Variants in KSR1 observed in about 807,000 individuals in gnomAD.
The protein encoded by KSR1 is kinase suppressor of ras.
KSR1 carries 35 observed loss-of-function variants against 92.9 expected under a neutral mutation model. That is an observed-to-expected ratio of 0.38 (90% CI 0.29 to 0.50). KSR1 has a LOEUF of 0.50. KSR1 is among the 20% of genes least tolerant of loss of function. The pLI is 0.94. For synonymous variants in KSR1, 467 were observed against 472.6 expected (o/e 0.99, Z 0.15); for missense variants, 972 against 1,158.5 (o/e 0.84, Z 2.34).
At chr17:27,565,703 G>A (rs1318385829) in intron 2 of KSR1, among the ~76,000 whole-genome samples, 1 of 152,184 alleles carries the variant, frequency 6.6e-6, no homozygotes, top group Non-Finnish European at 1.5e-5. Context: ...GGAATTACAG[G>A]TGTGAGCCAC....
chr17:27,604,053 TATTTGCCTCCTATC>T (rs1363872496), intron 12 of KSR1, among the ~76,000 whole-genome samples, 165 bp downstream of exon 12: 1 of 152,162 alleles, frequency 6.6e-6, no homozygotes, highest in Non-Finnish European at 1.5e-5. Context: ...CAGAGGGTTT[TATTTGCCTCCTATC>T]AGTGCGGTCA....
intron 1 of KSR1, among the ~76,000 whole-genome samples, chr17:27,521,373 T>C (rs548214539): frequency 6.7e-6 from 1 of 149,870 alleles, no homozygotes; most frequent in South Asian, 2.1e-4. Flanking sequence ...TCTAGCTCCA[T>C]TGCCCAGGTT....
intron 1 of KSR1, among the ~76,000 whole-genome samples, chr17:27,482,707 A>G (rs1474931423): frequency 1.3e-5 from 2 of 152,208 alleles, no homozygotes; most frequent in African/African-American, 2.4e-5. Context: ...ACTTGAGAAG[A>G]TATTAATGAT....
chr17:27,619,989 C>T (rs1432748212), intron 19 of KSR1, among the ~76,000 whole-genome samples: 3 of 152,346 alleles, frequency 2.0e-5, no homozygotes, highest in East Asian at 1.9e-4. Context: ...TGAGCCACCG[C>T]GCCCGGCCTT....
At chr17:27,514,393 T>G (rs1567781560) in intron 1 of KSR1, among the ~76,000 whole-genome samples, 2 of 152,222 alleles carry the variant, frequency 1.3e-5, no homozygotes, top group African/African-American at 4.8e-5. Flanking sequence ...GGACAGTAGC[T>G]CACGCCTGTA....
At chr17:27,586,387 G>A (rs907004712) in intron 5 of KSR1, among the ~76,000 whole-genome samples, 2 of 152,212 alleles carry the variant, frequency 1.3e-5, no homozygotes, top group African/African-American at 4.8e-5. Flanking sequence ...GTTTATTTTT[G>A]TACTATCCCG....
chr17:27,556,433 G>C (rs1354802736), intron 2 of KSR1, among the ~76,000 whole-genome samples: 1 of 151,884 alleles, frequency 6.6e-6, no homozygotes, highest in African/African-American at 2.4e-5. Flanking sequence ...TGTTGCCCAG[G>C]CTGATCTTGA....
intron 10 of KSR1, 44 bp downstream of exon 10, chr17:27,597,480 A>G (rs1407393542): frequency 6.5e-7 from 1 of 1,548,734 alleles, no homozygotes; most frequent in Admixed American, 1.9e-5. Context: ...GGATACAGTC[A>G]GATCCCCTTC....
chr17:27,524,601 T>A (rs1248241894), intron 1 of KSR1, among the ~76,000 whole-genome samples: 1 of 152,092 alleles, frequency 6.6e-6, no homozygotes, highest in Non-Finnish European at 1.5e-5. Flanking sequence ...GCAAAGGGGC[T>A]TGTAGAGCAT....
At chr17:27,527,394 C>A (rs10438802) in intron 1 of KSR1, among the ~76,000 whole-genome samples, 2 of 54,962 alleles carry the variant, frequency 3.6e-5, no homozygotes, top group Non-Finnish European at 6.5e-5. Context: ...CACACCCGCC[C>A]CCCCCCCCCC....
chr17:27,550,855 C>T (rs755151800), intron 2 of KSR1, 147 bp downstream of exon 2: 22 of 609,970 alleles, frequency 3.6e-5, no homozygotes, highest in South Asian at 1.9e-4. Flanking sequence ...GGGACAGCAG[C>T]GCCAGGAGGG....
intron 2 of KSR1, among the ~76,000 whole-genome samples, chr17:27,569,804 G>T (rs1446917925): frequency 1.3e-5 from 2 of 152,222 alleles, no homozygotes; most frequent in Non-Finnish European, 2.9e-5. Flanking sequence ...AAGAGACTCT[G>T]TGTGGCTTTC....
intron 1 of KSR1, among the ~76,000 whole-genome samples, chr17:27,534,678 C>G (rs536489017): frequency 6.6e-6 from 1 of 152,194 alleles, no homozygotes; most frequent in African/African-American, 2.4e-5. Flanking sequence ...TCTCATCCCC[C>G]GCTAATGATA....
intron 1 of KSR1, among the ~76,000 whole-genome samples, chr17:27,505,155 C>T (rs1018485056): frequency 1.5e-4 from 23 of 152,178 alleles, no homozygotes; most frequent in African/African-American, 4.8e-4. Context: ...TGGCCACGGG[C>T]TATGACACTT....
At chr17:27,507,034 A>G (rs570318357) in intron 1 of KSR1, among the ~76,000 whole-genome samples, 23 of 152,362 alleles carry the variant, frequency 1.5e-4, no homozygotes, top group African/African-American at 5.5e-4. Flanking sequence ...GGTAGCCATC[A>G]GCCACATGTG....
chr17:27,606,333 C>T (rs936199108), intron 14 of KSR1, among the ~76,000 whole-genome samples: 1 of 152,202 alleles, frequency 6.6e-6, no homozygotes, highest in African/African-American at 2.4e-5. Context: ...CAGTCTTCTC[C>T]CACTGCAACT....
intron 1 of KSR1, among the ~76,000 whole-genome samples, chr17:27,539,672 G>C (rs957426923): frequency 4.6e-5 from 7 of 152,162 alleles, no homozygotes; most frequent in Admixed American, 3.9e-4. Context: ...GGGGAGTTAG[G>C]GGGTAAAGTG....
chr17:27,503,020 G>A (rs142336940), intron 1 of KSR1, among the ~76,000 whole-genome samples: 25 of 152,288 alleles, frequency 1.6e-4, no homozygotes, highest in African/African-American at 5.8e-4. Context: ...TGCTCTAAAG[G>A]CATTTGCCTG....
chr17:27,582,119 C>T (rs1032229096), intron 3 of KSR1, among the ~76,000 whole-genome samples: 2 of 152,130 alleles, frequency 1.3e-5, no homozygotes, highest in Admixed American at 6.5e-5. Context: ...TCCTGGATTG[C>T]TCCCCCAAGA....
Sources: allele counts gnomAD v4.1 joint callset (sites outside exome capture counted in the v4.1 genomes callset), GRCh38; gene constraint gnomAD v4.1.1; transcripts MANE v1.5; gene names NCBI Gene and HGNC (gene_info 2026-07-23, HGNC 2026-07-21).